Variants in RASEF observed in about 807,000 individuals in gnomAD.
RASEF encodes ras and EF-hand domain-containing protein.
A neutral mutation model predicts 90.1 loss-of-function variants in RASEF; 68 were observed. That is an observed-to-expected ratio of 0.75 (90% CI 0.62 to 0.92). RASEF has a LOEUF of 0.92. Ranked by LOEUF, RASEF falls within the 40% of genes least tolerant of loss-of-function variation. RASEF has a pLI of 0.00. For synonymous variants in RASEF, 331 were observed against 345.2 expected (o/e 0.96, Z 0.46); for missense variants, 949 against 937.2 (o/e 1.01, Z -0.16).
the RASEF span, among the ~76,000 whole-genome samples, chr9:83,078,854 G>A: frequency 3.0e-4 from 45 of 152,118 alleles, no homozygotes; most frequent in Non-Finnish European, 5.6e-4. Context: ...GTCTTCTTTT[G>A]AGAAATGTCT....
At chr9:83,083,872 A>G in the RASEF span, among the ~76,000 whole-genome samples, 1 of 152,134 alleles carries the variant, frequency 6.6e-6, no homozygotes, top group African/African-American at 2.4e-5. Context: ...TGAACTAGTA[A>G]TTCTATTTCT....
At chr9:83,095,218 G>A in the RASEF span, among the ~76,000 whole-genome samples, 1 of 152,190 alleles carries the variant, frequency 6.6e-6, no homozygotes, top group African/African-American at 2.4e-5. Context: ...AACACCAGTA[G>A]TTACAGTCTT....
the RASEF span, among the ~76,000 whole-genome samples, chr9:83,149,013 C>T: frequency 6.6e-6 from 1 of 152,200 alleles, no homozygotes; most frequent in East Asian, 1.9e-4. Context: ...GAGAGCGGGG[C>T]TGATGACAAG....
In RASEF at chr9:83,043,385, G is replaced by T. The variant is rs528062685; in HGVS notation, c.432-17464C>A. On this transcript the variant is annotated intron_variant, in intron 1 of 16. Transcript: ENST00000376447. Reference sequence around the variant, plus strand: ...GACAATAACTTCTCTGGAAAGAGGGGTCTGCAGTGATTGGGGGGGGGGACC... The same window carrying T: ...GACAATAACTTCTCTGGAAAGAGGGTTCTGCAGTGATTGGGGGGGGGGACC... Among the ~76,000 whole-genome samples the T allele has an allele frequency of 3.1e-4, 41 of 130,842 alleles. 1 individual carries two copies. The South Asian group carries it at 0.011, about 36-fold the overall frequency. 85.8% of individuals were successfully genotyped at this position (130,842 alleles called of 152,430 possible). A position where few individuals can be genotyped will look rare whatever the true frequency, so the allele number is the denominator to read the frequency against.
intron 6 of RASEF, among the ~76,000 whole-genome samples, chr9:83,008,007 C>G (rs1453764294): frequency 6.6e-6 from 1 of 152,088 alleles, no homozygotes; most frequent in Non-Finnish European, 1.5e-5. Context: ...GCTCTCCCTC[C>G]TCTCCTTACC....
the RASEF span, among the ~76,000 whole-genome samples, chr9:83,128,194 C>G: frequency 2.6e-5 from 4 of 151,934 alleles, no homozygotes; most frequent in African/African-American, 9.7e-5. Context: ...AGTTTTTATT[C>G]CATGTTACTT....
the RASEF span, among the ~76,000 whole-genome samples, chr9:83,091,242 C>T: frequency 2.8e-4 from 42 of 152,174 alleles, no homozygotes; most frequent in African/African-American, 9.2e-4. Context: ...TAGGGATATA[C>T]TGGAGCTTTT....
the RASEF span, among the ~76,000 whole-genome samples, chr9:83,181,729 T>A: frequency 6.6e-6 from 1 of 152,198 alleles, no homozygotes; most frequent in Admixed American, 6.5e-5. Flanking sequence ...TTTCCTTTTG[T>A]CCTGATATCA....
At chr9:83,142,506 T>C in the RASEF span, among the ~76,000 whole-genome samples, 1 of 152,240 alleles carries the variant, frequency 6.6e-6, no homozygotes, top group Non-Finnish European at 1.5e-5. Flanking sequence ...AGTTAGAGCC[T>C]GAAGTTTAAC....
Position 82,982,683 on chromosome 9 carries a change from A to G in RASEF, c.2217T>C (p.Asn739=), listed in dbSNP as rs1433102321. 6.4e-7 allele frequency: 1 copy of G among 1,562,252 alleles called. No homozygotes were observed. Among genetic ancestry groups the G allele is most frequent in the Admixed American group, 1.7e-5 (1 of 59,948 alleles). The change falls in exon 17 of 17, where the codon AAT becomes AAC. Residue 739 remains asparagine (N), a synonymous_variant. Coordinates refer to ENST00000376447, the MANE Select transcript of RASEF (RefSeq NM_152573.4). ...KKSPQMKNCC[N]G ...GGCCAAGGATGTTTGGGATTTAGCC[A>G]TTGCAACAATTCTTCATCTGTGGTG...
chr9:83,036,185 A>G (rs965440545), intron 1 of RASEF, among the ~76,000 whole-genome samples: 15 of 152,244 alleles, frequency 9.9e-5, no homozygotes, highest in African/African-American at 3.6e-4. Context: ...CAGGAAGCAG[A>G]ACACTCACAT....
chr9:83,115,697 C>T, the RASEF span, among the ~76,000 whole-genome samples: 1 of 152,094 alleles, frequency 6.6e-6, no homozygotes, highest in African/African-American at 2.4e-5. Context: ...AATACATAGT[C>T]ATAAAAAGGG....
At position 83,038,449 on chromosome 9, in the gene RASEF, A is replaced by T. The variant is rs144296183; in HGVS notation, c.432-12528T>A. ...TTAATAGTCAAAAAATGAAACCATA[A>T]CTCTAAAGATTACAAGCAATATTAT... On this transcript the variant is annotated intron_variant, in intron 1 of 16. Coordinates refer to ENST00000376447, the MANE Select transcript of RASEF (RefSeq NM_152573.4). 4.3e-3 allele frequency among the ~76,000 whole-genome samples: 653 copies of T among 152,234 alleles called. 2 individuals carry two copies. Among genetic ancestry groups the T allele is most frequent in the Non-Finnish European group, 7.3e-3 (494 of 67,984 alleles).
the RASEF span, among the ~76,000 whole-genome samples, chr9:83,147,858 T>C: frequency 6.6e-6 from 1 of 152,032 alleles, no homozygotes; most frequent in Non-Finnish European, 1.5e-5. Context: ...GATCTTCCCC[T>C]GGAGTTTGGT....
At chr9:83,002,442 C>A (rs1415350724) in intron 9 of RASEF, among the ~76,000 whole-genome samples, 1 of 151,538 alleles carries the variant, frequency 6.6e-6, no homozygotes, top group Non-Finnish European at 1.5e-5. Flanking sequence ...TACGTGTGTG[C>A]ATGTGTGCGT....
At chr9:83,005,280 A>G (rs1829108486) in intron 8 of RASEF, 136 bp downstream of exon 8, 3 of 639,892 alleles carry the variant, frequency 4.7e-6, no homozygotes, top group Non-Finnish European at 8.1e-6. Flanking sequence ...GCCTCGTTTT[A>G]TTTTATGGAA....
At chr9:83,052,899 G>A (rs1228372276) in intron 1 of RASEF, among the ~76,000 whole-genome samples, 1 of 148,958 alleles carries the variant, frequency 6.7e-6, no homozygotes, top group African/African-American at 2.6e-5. Context: ...TTGCACTGTG[G>A]TCAAAGAGAT....
the RASEF span, among the ~76,000 whole-genome samples, chr9:83,184,837 T>C: frequency 1.1e-4 from 17 of 152,080 alleles, no homozygotes; most frequent in Non-Finnish European, 2.5e-4. Flanking sequence ...AAAAAATTCT[T>C]CACTGGTTGA....
At chr9:83,121,917 C>G in the RASEF span, among the ~76,000 whole-genome samples, 1 of 152,192 alleles carries the variant, frequency 6.6e-6, no homozygotes, top group Non-Finnish European at 1.5e-5. Context: ...CTTGACATTA[C>G]TGTGCCCAAG....
Sources: allele counts gnomAD v4.1 joint callset (sites outside exome capture counted in the v4.1 genomes callset), GRCh38; gene constraint gnomAD v4.1.1; transcripts MANE v1.5; gene names NCBI Gene and HGNC (gene_info 2026-07-23, HGNC 2026-07-21).